FMN2: variants seen among roughly 807,000 people sequenced by gnomAD.
FMN2 encodes the protein formin 2, also known as formin-2.
In FMN2, 51 loss-of-function variants were observed where a neutral mutation model predicts 142.3. That is an observed-to-expected ratio of 0.36 (90% CI 0.29 to 0.45). FMN2 has a LOEUF of 0.45. Among genes scored for constraint, FMN2 ranks in the 20% least tolerant of loss-of-function variants. The pLI, the probability that FMN2 is intolerant of heterozygous loss-of-function variation, is 1.00. For missense variants in FMN2, 1,936 were observed against 2,122.8 expected (o/e 0.91, Z 1.73); for synonymous variants, 882 against 869.8 (o/e 1.01, Z -0.25).
At chr1:240,131,655 G>A (rs532452487) in intron 2 of FMN2, among the ~76,000 whole-genome samples, 2 of 152,068 alleles carry the variant, frequency 1.3e-5, no homozygotes, top group Non-Finnish European at 2.9e-5. Context: ...GTTGCAGTGA[G>A]CCAAGATCGC....
At chr1:240,350,113 T>C (rs1558446879) in intron 13 of FMN2, among the ~76,000 whole-genome samples, 1 of 152,236 alleles carries the variant, frequency 6.6e-6, no homozygotes, top group Non-Finnish European at 1.5e-5. Context: ...AGCATATTTA[T>C]ATGTGGCATT....
chr1:240,188,103 A>G, intron 3 of FMN2, 104 bp from the exon 4 acceptor site: 1 of 1,079,292 alleles, frequency 9.3e-7, no homozygotes, highest in Non-Finnish European at 1.4e-6. Context: ...ATTTTTTGGT[A>G]CTTATGGTTA....
At chr1:240,300,099 A>G (rs540742304) in intron 8 of FMN2, among the ~76,000 whole-genome samples, 5 of 152,210 alleles carry the variant, frequency 3.3e-5, no homozygotes, top group East Asian at 1.9e-4. Context: ...TCCCTCCTCT[A>G]TCACCCCAAA....
At position 240,390,599 on chromosome 1, in the gene FMN2, T is replaced by C. The variant is rs148418331; in HGVS notation, c.4859-1912T>C. Among the ~76,000 whole-genome samples the C allele has an allele frequency of 6.8e-3, 1,039 of 152,348 alleles. 11 individuals carry two copies. Among genetic ancestry groups the C allele is most frequent in the African/African-American group, 0.023 (941 of 41,588 alleles). On this transcript the variant is annotated intron_variant, in intron 14 of 17. Transcript: ENST00000319653. ...AGTTGACTTACTCAGTTAAACATTA[T>C]GTATGATATCACTTTAAGAATTTTG...
In FMN2 at chr1:240,123,224, C is replaced by T; in HGVS notation, c.1661C>T (p.Pro554Leu). 6.2e-7 allele frequency: 1 copy of T among 1,614,168 alleles called. No individual in the cohort carries two copies. The highest frequency in any genetic ancestry group is 8.5e-7 in the Non-Finnish European group (1 of 1,180,038). The part of the protein sequence containing the change: ...EKLFSQQENG[P>L]PEEAEKFCSR... ...CTGTTCAGCCAGCAGGAGAACGGGCCTCCAGAAGAAGCAGAGAAGTTTTGC... is the reference window on the plus strand; with the variant it reads ...CTGTTCAGCCAGCAGGAGAACGGGCTTCCAGAAGAAGCAGAGAAGTTTTGC... The change falls in exon 2 of 18, where the codon CCT (proline) becomes CTT (leucine). Residue 554 changes from proline to leucine, a missense_variant. Pro to Leu is a moderately conservative substitution (Grantham distance 98). Coordinates refer to ENST00000319653, the MANE Select transcript of FMN2 (RefSeq NM_020066.5).
intron 8 of FMN2, among the ~76,000 whole-genome samples, chr1:240,316,079 T>C (rs965175011): frequency 2.6e-5 from 4 of 152,192 alleles, no homozygotes; most frequent in African/African-American, 9.6e-5. Context: ...TGCCAGGCAC[T>C]GTTCTAGGTG....
intron 13 of FMN2, among the ~76,000 whole-genome samples, chr1:240,337,113 G>C (rs953224245): frequency 6.6e-6 from 1 of 150,704 alleles, no homozygotes; most frequent in Non-Finnish European, 1.5e-5. Flanking sequence ...GAGTCAAACG[G>C]AAAATTATTG....
chr1:240,128,574 A>G (rs547065763), intron 2 of FMN2, among the ~76,000 whole-genome samples: 2 of 152,318 alleles, frequency 1.3e-5, no homozygotes, highest in East Asian at 1.9e-4. Context: ...TGATTTTGCT[A>G]AACATGTGGT....
chr1:240,149,814 T>G (rs952246193), intron 2 of FMN2, among the ~76,000 whole-genome samples: 1 of 152,206 alleles, frequency 6.6e-6, no homozygotes, highest in South Asian at 2.1e-4. Context: ...TGTAATAGCT[T>G]TACATTTTAA....
At chr1:240,118,568 T>C (rs1662114138) in intron 1 of FMN2, among the ~76,000 whole-genome samples, 1 of 152,024 alleles carries the variant, frequency 6.6e-6, no homozygotes, top group South Asian at 2.1e-4. Flanking sequence ...ACTCTGAGGG[T>C]GATGGGAACC....
intron 15 of FMN2, among the ~76,000 whole-genome samples, chr1:240,426,831 G>C (rs1028658125): frequency 1.3e-5 from 2 of 152,070 alleles, no homozygotes; most frequent in Admixed American, 6.6e-5. Context: ...CGCCTCCCGG[G>C]TTCAAGCAAT....
intron 6 of FMN2, among the ~76,000 whole-genome samples, chr1:240,248,553 C>G (rs1668165662): frequency 6.6e-6 from 1 of 151,536 alleles, no homozygotes; most frequent in South Asian, 2.1e-4. Context: ...GTGAACAGTA[C>G]TGCAGTAAAC....
intron 6 of FMN2, among the ~76,000 whole-genome samples, chr1:240,218,936 A>G (rs1187282953): frequency 6.6e-6 from 1 of 152,208 alleles, no homozygotes; most frequent in African/African-American, 2.4e-5. Flanking sequence ...GGTCAGAAGT[A>G]GAACAGAGTA....
intron 8 of FMN2, among the ~76,000 whole-genome samples, chr1:240,311,431 G>C (rs975855796): frequency 6.6e-6 from 1 of 152,012 alleles, no homozygotes; most frequent in Non-Finnish European, 1.5e-5. Flanking sequence ...TCCCCACATA[G>C]CTGTTTTAAA....
At chr1:240,238,115 T>C (rs1347674503) in intron 6 of FMN2, among the ~76,000 whole-genome samples, 2 of 152,156 alleles carry the variant, frequency 1.3e-5, no homozygotes, top group Non-Finnish European at 2.9e-5. Context: ...TTCCAGCAAA[T>C]GCTTGTATAC....
At chr1:240,215,565 A>G (rs1354108149) in intron 6 of FMN2, among the ~76,000 whole-genome samples, 1 of 152,244 alleles carries the variant, frequency 6.6e-6, no homozygotes, top group African/African-American at 2.4e-5. Context: ...CAGAATATAT[A>G]CTTTTAAAAA....
At chr1:240,382,037 CT>C (rs1228646625) in intron 14 of FMN2, among the ~76,000 whole-genome samples, 1 of 152,180 alleles carries the variant, frequency 6.6e-6, no homozygotes, top group Non-Finnish European at 1.5e-5. Flanking sequence ...CAGATTATCT[CT>C]CCTCACTGAT....
rs1674702307 is a variant in FMN2 at position 240,419,725 on chromosome 1, T to A, written c.4911-18336T>A. Among the ~76,000 whole-genome samples, 3 of 152,188 alleles carry A rather than the reference T, an allele frequency of 2.0e-5. 1 individual carries two copies. In the South Asian group the frequency reaches 6.2e-4, roughly 32 times the overall value. The stretch of plus-strand genomic sequence containing the variant: ...GGACTAGGGGAAACATTACAGTGTA[T>A]CCTTGCTACCATGTTTCAGGGTCCT... On this transcript the variant is annotated intron_variant, in intron 15 of 17. Coordinates refer to ENST00000319653, the MANE Select transcript of FMN2 (RefSeq NM_020066.5).
chr1:240,216,958 A>AG lies in FMN2; in HGVS notation c.4065+5723_4065+5724insG, dbSNP rs554437719. Among the ~76,000 whole-genome samples, 118 of 152,328 alleles carry AG rather than the reference A, an allele frequency of 7.7e-4. 1 individual carries two copies. In the South Asian group the frequency reaches 0.014, roughly 18 times the overall value. The stretch of plus-strand genomic sequence containing the variant: ...AGCGAGACTCCGTCTCAAAAAAAAA[A>AG]AAAGTTATAAAAATGTGTAATAACG... On this transcript the variant is annotated intron_variant, in intron 6 of 17. Coordinates refer to ENST00000319653, the MANE Select transcript of FMN2 (RefSeq NM_020066.5).
Sources: allele counts gnomAD v4.1 joint callset (sites outside exome capture counted in the v4.1 genomes callset), GRCh38; gene constraint gnomAD v4.1.1; transcripts MANE v1.5; gene names NCBI Gene and HGNC (gene_info 2026-07-23, HGNC 2026-07-21).